The following SLC9A3 variants were observed in gnomAD, a reference collection of about 807,000 sequenced individuals.
SLC9A3 encodes solute carrier family 9 member A3.
A neutral mutation model predicts 86.8 loss-of-function variants in SLC9A3; 37 were observed. That is an observed-to-expected ratio of 0.43 (90% CI 0.33 to 0.56). The LOEUF is 0.56. SLC9A3 is among the 20% of genes least tolerant of loss of function. The pLI is 0.06. For synonymous variants in SLC9A3, 581 were observed against 528.3 expected (o/e 1.10, Z -1.37); for missense variants, 1,011 against 1,171.9 (o/e 0.86, Z 2.00).
rs753500386 is a variant in SLC9A3, at chr5:476,676, C to T, written c.1761-4G>A. 1.1e-5 allele frequency: 17 copies of T among 1,602,530 alleles called. No homozygotes were observed. Among genetic ancestry groups the T allele is most frequent in the East Asian group, 6.7e-5 (3 of 44,884 alleles). ...GACAGCGCTGACATTTTCTCTCCTG[C>T]GTGGGGACCAGCGCTGAGCCATACA... On this transcript the variant is annotated splice_region_variant and splice_polypyrimidine_tract_variant and intron_variant, in intron 11 of 16. Coordinates refer to ENST00000264938, the MANE Select transcript of SLC9A3 (RefSeq NM_004174.4).
rs1739268215 is a variant in SLC9A3 at position 482,716 on chromosome 5, G to A, written c.1188C>T (p.Tyr396=). 1 of 1,610,926 alleles carries A rather than the reference G, an allele frequency of 6.2e-7. No individual in the cohort carries two copies. The highest frequency in any genetic ancestry group is 2.2e-5 in the East Asian group (1 of 44,774). The change falls in exon 7 of 17, where the codon TAC becomes TAT. Residue 396 remains tyrosine (Y), a synonymous_variant. Transcript: ENST00000264938. The stretch of plus-strand genomic sequence containing the variant: ...CAATGGGCTCCAGCTGCACCATGCG[G>A]TAGCGGTTCAGAAGCCAGGTCTGCA... ...VVLQTWLLNR[Y]RMVQLEPIDQ... is the part of the protein sequence containing the mutation.
intron 1 of SLC9A3, among the ~76,000 whole-genome samples, chr5:515,418 A>T (rs995036372): frequency 5.3e-5 from 8 of 151,874 alleles, no homozygotes; most frequent in African/African-American, 1.9e-4. Context: ...CTCCATCTCA[A>T]TTCTTCCTAG....
rs546866437 is a variant in SLC9A3 at position 497,684 on chromosome 5, C to G, written c.212-5613G>C. On this transcript the variant is annotated intron_variant, in intron 1 of 16. Transcript: ENST00000264938. The surrounding 1 kb of genome is among the most constrained non-coding windows in gnomAD (Gnocchi z 5.4). Reference sequence around the variant, plus strand: ...CCCCCCTGAGCCGCTGACCCTGACCCCTGGGAGTGAAGCCTCATCTGCCCC... The same window carrying G: ...CCCCCCTGAGCCGCTGACCCTGACCGCTGGGAGTGAAGCCTCATCTGCCCC... 2.3e-4 allele frequency among the ~76,000 whole-genome samples: 35 copies of G among 152,244 alleles called. No individual in the cohort carries two copies. The highest frequency in any genetic ancestry group is 6.2e-4 in the South Asian group (3 of 4,820).
chr5:471,020 G>A lies in SLC9A3; in HGVS notation c.*2359C>T, dbSNP rs1579752454. ...AGCCCCTGGCACCCACAGCCCCGGC[G>A]CGCTCCGTCACCTGGTAGGGAGCAG... is the stretch of plus-strand genomic sequence containing the variant. On this transcript the variant is annotated 3_prime_UTR_variant, in exon 17 of 17. Transcript: ENST00000264938. 6.6e-6 allele frequency: 1 copy of A among 152,426 alleles called. No homozygotes were observed. The highest frequency in any genetic ancestry group is 2.1e-4 in the South Asian group (1 of 4,826). 9.4% of individuals were successfully genotyped at this position (152,426 alleles called of 1,614,324 possible).
chr5:478,432 CCCCTGCCGAG>C (rs1738908890), intron 10 of SLC9A3: 1 of 138,028 alleles, frequency 7.2e-6, no homozygotes, highest in Non-Finnish European at 1.6e-5. Context: ...ACTTCCCCTG[CCCCTGCCGAG>C]CCCTGCCGTG....
chr5:483,572 G>A, intron 5 of SLC9A3, 90 bp from the exon 6 acceptor site: 4 of 914,554 alleles, frequency 4.4e-6, no homozygotes, highest in Non-Finnish European at 7.0e-6. Context: ...CCTGGCGCCT[G>A]TAGGCCCAGA....
chr5:483,323 C>A lies in SLC9A3; in HGVS notation c.1092G>T (p.Trp364Cys). Residue 364 changes from tryptophan (W) to cysteine (C), a missense_variant, in exon 6 of 17, where the codon TGG (tryptophan) becomes TGT (cysteine). By Grantham distance (215) the Trp-to-Cys change is radical (BLOSUM62 -2). Coordinates refer to ENST00000264938, the MANE Select transcript of SLC9A3 (RefSeq NM_004174.4). ...LGISAVNPFI[W>C]TWNTAFVLLT... is the part of the protein sequence containing the mutation. ...GGAGCACGAAGGCCGTGTTCCAGGT[C>A]CAGATGAACGGGTTCACGGCCGAGA... 6.4e-7 allele frequency: 1 copy of A among 1,566,064 alleles called. No individual in the cohort carries two copies. Among genetic ancestry groups the A allele is most frequent in the Non-Finnish European group, 8.7e-7 (1 of 1,156,016 alleles).
intron 10 of SLC9A3, chr5:477,826 G>C (rs1389829298): frequency 1.6e-5 from 3 of 183,932 alleles, no homozygotes; most frequent in Non-Finnish European, 3.4e-5. Context: ...AACTCCATTG[G>C]CCTCATGTCC....
Position 472,467 on chromosome 5 carries a change from T to C in SLC9A3, c.*912A>G, listed in dbSNP as rs996141106. 1 of 334,270 alleles carries C rather than the reference T, an allele frequency of 3.0e-6. No homozygotes were observed. The highest frequency in any genetic ancestry group is 2.3e-5 in the African/African-American group (1 of 44,026). 20.7% of individuals were successfully genotyped at this position (334,270 alleles called of 1,614,324 possible). A position where few individuals can be genotyped will look rare whatever the true frequency, so the allele number is the denominator to read the frequency against. On this transcript the variant is annotated 3_prime_UTR_variant, in exon 17 of 17. Transcript: ENST00000264938. ...CAAGCTCCGCCCGCCAGGCCACCTC[T>C]CACCCAGCCAGGGCACCCCGGGCGA...
At chr5:482,812 C>T in intron 6 of SLC9A3, 62 bp from the exon 7 acceptor site, 2 of 1,340,812 alleles carry the variant, frequency 1.5e-6, no homozygotes, top group Non-Finnish European at 2.1e-6. Context: ...GGACCCCAGC[C>T]CCTCCGGGAC....
chr5:472,596 G>A lies in SLC9A3; in HGVS notation c.*783C>T, dbSNP rs1738423976. ...ACCGGGCGCGGGCAGGACGGAACCT[G>A]GGGGGGAAACGGGGCAGGTACTGGC... On this transcript the variant is annotated 3_prime_UTR_variant, in exon 17 of 17. Transcript: ENST00000264938. The A allele has an allele frequency of 5.2e-6, 2 of 386,194 alleles. No homozygotes were observed. Among genetic ancestry groups the A allele is most frequent in the South Asian group, 3.6e-5 (2 of 56,056 alleles). 23.9% of individuals were successfully genotyped at this position (386,194 alleles called of 1,614,324 possible).
intron 1 of SLC9A3, among the ~76,000 whole-genome samples, chr5:502,305 GC>G (rs1560967803): frequency 6.6e-6 from 1 of 152,126 alleles, no homozygotes; most frequent in African/African-American, 2.4e-5. Context: ...GACGGCCCAG[GC>G]CCCCTTATTA....
chr5:482,561 G>A lies in SLC9A3; in HGVS notation c.1343C>T (p.Thr448Ile). ...GCTGGGCCTCACCTGGAAGATGACG[G>A]TGAAGAACACTACGATGATGGTGGT... ...VSTTIIVVFF[T>I]VIFQGLTIKP... The change falls in exon 7 of 17, where the codon ACC becomes ATC. Residue 448 changes from threonine to isoleucine, a missense_variant. Thr to Ile is a moderately conservative substitution (Grantham distance 89). Around this residue, in one of 3 missense-constraint regions of SLC9A3, gnomAD observed 565 missense variants for 790.0 expected, o/e 0.72. Coordinates refer to ENST00000264938, the MANE Select transcript of SLC9A3 (RefSeq NM_004174.4). 6.2e-7 allele frequency: 1 copy of A among 1,612,102 alleles called. No individual in the cohort carries two copies. The highest frequency in any genetic ancestry group is 8.5e-7 in the Non-Finnish European group (1 of 1,179,212).
chr5:509,844 G>A (rs1025594703), intron 1 of SLC9A3, among the ~76,000 whole-genome samples: 21 of 152,216 alleles, frequency 1.4e-4, no homozygotes, highest in Non-Finnish European at 2.1e-4. Flanking sequence ...AGGGCCTGAT[G>A]ATTTGGAAGG....
At chr5:490,766 A>G (rs867323732) in intron 2 of SLC9A3, among the ~76,000 whole-genome samples, 2 of 152,118 alleles carry the variant, frequency 1.3e-5, no homozygotes, top group Non-Finnish European at 2.9e-5. Flanking sequence ...GTGTGTCCTG[A>G]CCACCTATGG....
chr5:480,592 G>A (rs1009218627), intron 9 of SLC9A3: 16 of 152,458 alleles, frequency 1.0e-4, no homozygotes, highest in African/African-American at 3.6e-4. Context: ...CTGAGTTTCA[G>A]CCACACCAAG....
chr5:503,734 A>T (rs1208642893), intron 1 of SLC9A3, among the ~76,000 whole-genome samples: 1 of 152,264 alleles, frequency 6.6e-6, no homozygotes, highest in African/African-American at 2.4e-5. Flanking sequence ...AAAATCAAAA[A>T]CAAATGGAGA....
intron 12 of SLC9A3, 60 bp downstream of exon 12, chr5:476,483 G>T: frequency 1.2e-6 from 2 of 1,603,038 alleles, no homozygotes; most frequent in South Asian, 1.1e-5. Context: ...AGGAGGGGAC[G>T]AGGAAGCCGC....
At chr5:473,814 A>G (rs1277324971) in intron 16 of SLC9A3, among the ~76,000 whole-genome samples, 3 of 152,216 alleles carry the variant, frequency 2.0e-5, no homozygotes, top group East Asian at 3.9e-4. Context: ...AGCTGGAGGC[A>G]GAGTCCGGGT....
Sources: gnomAD v4.1 joint callset for allele counts (sites outside exome capture counted in the v4.1 genomes callset) on GRCh38, gnomAD v4.1.1 for gene constraint, gnomAD v4.1.1 regional missense constraint, Gnocchi (gnomAD v3.1) non-coding constraint, MANE v1.5 for transcripts, NCBI Gene and HGNC (gene_info 2026-07-23, HGNC 2026-07-21) for gene names.